Variants in CXADR observed in about 807,000 individuals in gnomAD.
The protein encoded by CXADR is coxsackievirus and adenovirus receptor.
Under a neutral mutation model 40.3 loss-of-function variants are expected in CXADR, and 20 were observed. The ratio of observed to expected loss-of-function variants is 0.50; its 90% CI spans 0.35 to 0.72. CXADR has a LOEUF of 0.72. Among genes scored for constraint, CXADR ranks in the 30% least tolerant of loss-of-function variants. The pLI is 0.01. For synonymous variants in CXADR, 150 were observed against 161.3 expected, an observed-to-expected ratio of 0.93 and a Z score of 0.53; for missense variants, 332 against 449.1, an observed-to-expected ratio of 0.74 and a Z score of 2.36.
chr21:17,595,710 GAAC>G (rs1317808309), downstream of CXADR, among the ~76,000 whole-genome samples: 1 of 151,758 alleles, frequency 6.6e-6, no homozygotes, highest in Non-Finnish European at 1.5e-5. Context: ...GATACACAAC[GAAC>G]AAAACAATGC....
the CXADR span, chr21:17,608,902 T>G: frequency 6.8e-7 from 1 of 1,476,060 alleles, no homozygotes; most frequent in South Asian, 1.3e-5. Flanking sequence ...CTGCACACCC[T>G]TCAATCATCC....
the CXADR span, among the ~76,000 whole-genome samples, chr21:17,609,400 G>C: frequency 2.3e-4 from 35 of 152,220 alleles, 1 homozygote; most frequent in East Asian, 6.8e-3. Flanking sequence ...ATAGCACGTT[G>C]CTCCTGTTGG....
chr21:17,607,324 G>C, the CXADR span, among the ~76,000 whole-genome samples: 1 of 151,912 alleles, frequency 6.6e-6, no homozygotes, highest in African/African-American at 2.4e-5. Context: ...AGTTAAATCA[G>C]AGTAAAAAGC....
At chr21:17,533,696 G>A (rs1167225424) in intron 1 of CXADR, among the ~76,000 whole-genome samples, 6 of 151,876 alleles carry the variant, frequency 4.0e-5, no homozygotes, top group African/African-American at 1.2e-4. Context: ...TAACTGTTTA[G>A]TTGCTGTTTA....
chr21:17,624,888 A>T, the CXADR span, among the ~76,000 whole-genome samples: 1 of 152,174 alleles, frequency 6.6e-6, no homozygotes, highest in Non-Finnish European at 1.5e-5. Flanking sequence ...AGGTATCACC[A>T]GATCCTATCA....
intron 1 of CXADR, chr21:17,518,603 G>C: frequency 6.9e-7 from 1 of 1,447,870 alleles, no homozygotes; most frequent in Non-Finnish European, 9.7e-7. Flanking sequence ...GTGTCTTCTG[G>C]TTTTGCTGCT....
At chr21:17,630,708 A>T in the CXADR span, among the ~76,000 whole-genome samples, 1 of 112,144 alleles carries the variant, frequency 8.9e-6, no homozygotes. Context: ...AAATGCATCT[A>T]TTGTCATTAA....
At chr21:17,565,360 T>C in intron 6 of CXADR, 68 bp from the exon 7 acceptor site, 1 of 1,513,690 alleles carries the variant, frequency 6.6e-7, no homozygotes, top group Non-Finnish European at 9.0e-7. Flanking sequence ...CCATGATTCA[T>C]AGCTTGCATA....
chr21:17,542,240 A>G (rs2123224708), intron 1 of CXADR, among the ~76,000 whole-genome samples: 1 of 152,332 alleles, frequency 6.6e-6, no homozygotes, highest in Non-Finnish European at 1.5e-5. Context: ...TAAGATTGCC[A>G]GAAGGAAAAG....
At chr21:17,580,661 G>C (rs2061353955) in intron 7 of CXADR, among the ~76,000 whole-genome samples, 1 of 152,054 alleles carries the variant, frequency 6.6e-6, no homozygotes, top group African/African-American at 2.4e-5. Context: ...AGGTTTAGTG[G>C]CTTCAGACTT....
At chr21:17,588,310 T>C (rs1301178203) in intron 7 of CXADR, among the ~76,000 whole-genome samples, 1 of 152,242 alleles carries the variant, frequency 6.6e-6, no homozygotes, top group Non-Finnish European at 1.5e-5. Context: ...ATTGAATCTA[T>C]AAATTGCCTT....
At chr21:17,529,949 C>CTT (rs556998750) in intron 1 of CXADR, among the ~76,000 whole-genome samples, 1 of 142,890 alleles carries the variant, frequency 7.0e-6, no homozygotes. Context: ...TTTTCTTTTT[C>CTT]TTTTTTTTTT....
At chr21:17,560,907 A>C in intron 5 of CXADR, 83 bp downstream of exon 5, 2 of 1,559,090 alleles carry the variant, frequency 1.3e-6, no homozygotes, top group East Asian at 4.5e-5. Context: ...AGTGTGTATT[A>C]AGGACAAAGG....
chr21:17,564,356 G>C (rs1470916835), intron 6 of CXADR, among the ~76,000 whole-genome samples: 1 of 150,948 alleles, frequency 6.6e-6, no homozygotes, highest in African/African-American at 2.4e-5. Flanking sequence ...AAGATACAAT[G>C]TATATAACCT....
intron 6 of CXADR, among the ~76,000 whole-genome samples, chr21:17,563,848 A>G (rs939278269): frequency 9.6e-5 from 14 of 146,534 alleles, no homozygotes; most frequent in Non-Finnish European, 1.8e-4. Context: ...GGCTGAGGCA[A>G]GAGAATGGCG....
At chr21:17,626,387 A>G in the CXADR span, among the ~76,000 whole-genome samples, 1 of 152,198 alleles carries the variant, frequency 6.6e-6, no homozygotes, top group Non-Finnish European at 1.5e-5. Flanking sequence ...TGGGGTGGTG[A>G]TAATGGTATT....
chr21:17,604,851 AGAACTCACC>A, the CXADR span: 1 of 1,611,256 alleles, frequency 6.2e-7, no homozygotes, highest in Non-Finnish European at 8.5e-7. Context: ...TCTAAACTTG[AGAACTCACC>A]GACAGCACAC....
intron 1 of CXADR, chr21:17,518,756 T>C: frequency 6.3e-7 from 1 of 1,587,144 alleles, no homozygotes; most frequent in Non-Finnish European, 8.6e-7. Flanking sequence ...GCAAAGGTGT[T>C]AGCAGAAAGG....
In CXADR at chr21:17,550,511, C is replaced by G. The variant is rs138421340; in HGVS notation, c.211-1238C>G. ...GATGACATTTATTCTGATTATACTG[C>G]CCATAATTAGCACTCAGGTAAAAGA... On this transcript the variant is annotated intron_variant, in intron 2 of 6. Coordinates refer to ENST00000284878, the MANE Select transcript of CXADR (RefSeq NM_001338.5). Among the ~76,000 whole-genome samples, 293 of 152,190 alleles carry G rather than the reference C, an allele frequency of 1.9e-3. 3 individuals are homozygous for G. Among genetic ancestry groups the G allele is most frequent in the African/African-American group, 6.8e-3 (282 of 41,530 alleles).
Sources: gnomAD v4.1 joint callset for allele counts (sites outside exome capture counted in the v4.1 genomes callset) on GRCh38, gnomAD v4.1.1 for gene constraint, MANE v1.5 for transcripts, NCBI Gene and HGNC (gene_info 2026-07-23, HGNC 2026-07-21) for gene names.